The following USP13 variants were observed in gnomAD, a reference collection of about 807,000 sequenced individuals.
USP13 encodes the protein ubiquitin specific peptidase 13.
In USP13, 68 loss-of-function variants were observed where a neutral mutation model predicts 107.8. That is an observed-to-expected ratio of 0.63 (90% CI 0.52 to 0.77). The LOEUF is 0.77. Ranked by LOEUF, USP13 falls within the 30% of genes least tolerant of loss-of-function variation. The pLI is 0.00. For missense variants in USP13, 945 were observed against 1,093.3 expected, an observed-to-expected ratio of 0.86 and a Z score of 1.91; for synonymous variants, 377 against 389.5, an observed-to-expected ratio of 0.97 and a Z score of 0.38.
chr3:179,724,532 C>G (rs1262652093), intron 8 of USP13, among the ~76,000 whole-genome samples: 1 of 150,888 alleles, frequency 6.6e-6, no homozygotes, highest in African/African-American at 2.4e-5. Context: ...AAAAATGACT[C>G]AGAAAGATTA....
At chr3:179,673,526 T>C (rs1720807014) in intron 1 of USP13, among the ~76,000 whole-genome samples, 1 of 152,214 alleles carries the variant, frequency 6.6e-6, no homozygotes, top group South Asian at 2.1e-4. Flanking sequence ...CAAGGAAGCC[T>C]GGGTTTCTCA....
chr3:179,766,061 C>T (rs967961714), intron 19 of USP13, among the ~76,000 whole-genome samples: 1 of 151,708 alleles, frequency 6.6e-6, no homozygotes, highest in African/African-American at 2.4e-5. Context: ...CTCACTGCAA[C>T]CTCCGCCTCC....
chr3:179,745,101 T>G lies in USP13; in HGVS notation c.1593T>G (p.Leu531=). The G allele has an allele frequency of 6.2e-7, 1 of 1,614,154 alleles. No homozygotes were observed. Among genetic ancestry groups the G allele is most frequent in the South Asian group, 1.1e-5 (1 of 91,082 alleles). The change falls in exon 13 of 21, where the codon CTT becomes CTG. Residue 531 remains leucine (L), a synonymous_variant. Transcript: ENST00000263966. ...AAGCAGAAGCAAACAGAAGACCCCT[T>G]CCTGAGTTGGTACGTGCCAAGATAC... ...RREAEANRRP[L]PELVRAKIPF...
At chr3:179,670,769 C>T (rs1414915868) in intron 1 of USP13, among the ~76,000 whole-genome samples, 2 of 152,000 alleles carry the variant, frequency 1.3e-5, no homozygotes, top group Non-Finnish European at 2.9e-5. Flanking sequence ...ATGATCTCCG[C>T]TCACTGCAAC....
rs930501754 is a variant in USP13 at position 179,784,499 on chromosome 3, G to A, written c.*358G>A. On this transcript the variant is annotated 3_prime_UTR_variant, in exon 21 of 21. Transcript: ENST00000263966. ...TTGGGGGTCAGTGATAGTGGCCTCT[G>A]GAGAAACCAAATAATGTGGCCAGTG... is the stretch of plus-strand genomic sequence containing the variant. The A allele has an allele frequency of 2.9e-5, 5 of 173,002 alleles. No homozygotes were observed. The highest frequency in any genetic ancestry group is 1.6e-4 in the South Asian group (1 of 6,384). 10.7% of individuals were successfully genotyped at this position (173,002 alleles called of 1,614,324 possible).
At chr3:179,749,052 AT>A (rs1296638243) in intron 13 of USP13, among the ~76,000 whole-genome samples, 1 of 152,080 alleles carries the variant, frequency 6.6e-6, no homozygotes, top group Non-Finnish European at 1.5e-5. Flanking sequence ...AGTGTGGTGG[AT>A]TAATGGTCAT....
intron 1 of USP13, among the ~76,000 whole-genome samples, chr3:179,673,852 G>C (rs930022547): frequency 5.3e-5 from 8 of 152,228 alleles, no homozygotes; most frequent in Non-Finnish European, 1.0e-4. Flanking sequence ...ACTGGGCTGA[G>C]AGATGAGTAC....
chr3:179,653,136 C>G lies in USP13; in HGVS notation c.-90C>G. ...GCTGCCGTTGCCCGCGCAGCCCGCC[C>G]GTCAGCCCGCTCGCTGGCGCCGCCG... On this transcript the variant is annotated 5_prime_UTR_variant, in exon 1 of 21. Coordinates refer to ENST00000263966, the MANE Select transcript of USP13 (RefSeq NM_003940.3). This position sits in a 1 kb window ranked among gnomAD's most constrained non-coding sequence, Gnocchi z 4.0. 1 of 997,040 alleles carries G rather than the reference C, an allele frequency of 1.0e-6. No homozygotes were observed. The highest frequency in any genetic ancestry group is 1.2e-6 in the Non-Finnish European group (1 of 836,332). The allele number at this position is 997,040 out of a possible 1,614,324, so 61.8% of individuals were successfully genotyped here. A position where few individuals can be genotyped will look rare whatever the true frequency, so the allele number is the denominator to read the frequency against.
intron 3 of USP13, among the ~76,000 whole-genome samples, chr3:179,697,778 C>G (rs73172279): frequency 4.6e-5 from 7 of 152,246 alleles, no homozygotes; most frequent in Non-Finnish European, 8.8e-5. Context: ...GATTTGTCCC[C>G]TGAAATCAGA....
At chr3:179,683,776 T>A (rs1000287259) in intron 2 of USP13, among the ~76,000 whole-genome samples, 1 of 152,240 alleles carries the variant, frequency 6.6e-6, no homozygotes, top group Admixed American at 6.5e-5. Context: ...CAGTTGTTTT[T>A]AAATTTTTAT....
At chr3:179,669,792 G>A (rs140491383) in intron 1 of USP13, among the ~76,000 whole-genome samples, 44 of 152,250 alleles carry the variant, frequency 2.9e-4, no homozygotes, top group Admixed American at 1.3e-3. Flanking sequence ...ATTAGACAGT[G>A]TGGGTCTAGA....
chr3:179,761,744 AC>A (rs1316940250), intron 17 of USP13, among the ~76,000 whole-genome samples: 2 of 152,110 alleles, frequency 1.3e-5, no homozygotes, highest in Non-Finnish European at 2.9e-5. Context: ...AAACAAAAAA[AC>A]AACAAAAAAA....
At position 179,660,943 on chromosome 3, in the gene USP13, AT is replaced by A. The variant is rs138970396; in HGVS notation, c.168+7555del. Among the ~76,000 whole-genome samples the A allele has an allele frequency of 3.0e-3, 459 of 152,296 alleles. 1 individual carries two copies. The highest frequency in any genetic ancestry group is 0.011 in the African/African-American group (438 of 41,574). ...TTTGACCTCTTTATACTCTTTAACTATTTTTGAGAACCGCAAAAAGCTTTTG... is the reference window on the plus strand; with the variant it reads ...TTTGACCTCTTTATACTCTTTAACTATTTTGAGAACCGCAAAAAGCTTTTG... On this transcript the variant is annotated intron_variant, in intron 1 of 20. Transcript: ENST00000263966.
At chr3:179,777,522 G>A (rs1423983269) in intron 19 of USP13, among the ~76,000 whole-genome samples, 3 of 148,748 alleles carry the variant, frequency 2.0e-5, no homozygotes, top group African/African-American at 7.5e-5. Flanking sequence ...GTGCGATCTC[G>A]GCTCACTGCA....
chr3:179,761,053 C>A, intron 16 of USP13, 59 bp from the exon 17 acceptor site: 1 of 1,604,556 alleles, frequency 6.2e-7, no homozygotes. Context: ...TGGAGAGTAG[C>A]TAAGACAAGA....
intron 6 of USP13, among the ~76,000 whole-genome samples, chr3:179,715,794 C>T (rs1280138241): frequency 2.0e-5 from 3 of 152,166 alleles, no homozygotes; most frequent in African/African-American, 7.2e-5. Context: ...GACAGATCTG[C>T]ACTGACTCTG....
At chr3:179,656,545 G>A (rs1257644773) in intron 1 of USP13, among the ~76,000 whole-genome samples, 1 of 152,202 alleles carries the variant, frequency 6.6e-6, no homozygotes, top group Admixed American at 6.5e-5. Context: ...TTTGGGATGA[G>A]TGAGAATTTG....
chr3:179,761,293 T>C (rs191223907), intron 17 of USP13, 38 bp downstream of exon 17: 173 of 1,612,160 alleles, frequency 1.1e-4, no homozygotes, highest in Non-Finnish European at 1.4e-4. Context: ...TGGAGTCTGA[T>C]GTGACCCTCA....
intron 1 of USP13, among the ~76,000 whole-genome samples, chr3:179,670,822 C>T (rs1049283833): frequency 2.9e-4 from 44 of 152,078 alleles, no homozygotes; most frequent in African/African-American, 8.4e-4. Context: ...CTCAGCCTCC[C>T]GAGTAGCTGG....
Sources: gnomAD v4.1 joint callset for allele counts (sites outside exome capture counted in the v4.1 genomes callset) on GRCh38, gnomAD v4.1.1 for gene constraint, Gnocchi (gnomAD v3.1) non-coding constraint, MANE v1.5 for transcripts, NCBI Gene and HGNC (gene_info 2026-07-23, HGNC 2026-07-21) for gene names.